FSTL4: variants seen among roughly 807,000 people sequenced by gnomAD.
The protein encoded by FSTL4 is follistatin-related protein 4.
FSTL4 carries 28 observed loss-of-function variants against 78.2 expected under a neutral mutation model. The observed-to-expected ratio is 0.36, with a 90% CI of 0.27 to 0.49. The LOEUF (loss-of-function observed/expected upper bound fraction) is 0.49, where lower values mean the gene tolerates loss of function less well. Ranked by LOEUF, FSTL4 falls within the 20% of genes least tolerant of loss-of-function variation. The pLI is 0.98. For synonymous variants in FSTL4, 422 were observed against 440.5 expected, an observed-to-expected ratio of 0.96 and a Z score of 0.53; for missense variants, 922 against 1,084.9, an observed-to-expected ratio of 0.85 and a Z score of 2.11.
At chr5:133,292,706 G>A (rs908932196) in intron 6 of FSTL4, among the ~76,000 whole-genome samples, 2 of 147,982 alleles carry the variant, frequency 1.4e-5, no homozygotes, top group Admixed American at 1.4e-4. Context: ...CACAAGTTAT[G>A]ATTTATATTT....
intron 3 of FSTL4, among the ~76,000 whole-genome samples, chr5:133,564,985 C>G (rs879424008): frequency 6.6e-6 from 1 of 152,154 alleles, no homozygotes; most frequent in Admixed American, 6.5e-5. Context: ...TGGCCCTAAA[C>G]CTTCAATGGA....
the FSTL4 span, among the ~76,000 whole-genome samples, chr5:133,638,777 CG>C: frequency 0.017 from 2,518 of 151,972 alleles, 70 homozygotes; most frequent in African/African-American, 0.057. Flanking sequence ...GAGGGCTGGA[CG>C]TTTTTTCGTA....
At chr5:133,395,215 T>C (rs901393323) in intron 4 of FSTL4, among the ~76,000 whole-genome samples, 1 of 152,168 alleles carries the variant, frequency 6.6e-6, no homozygotes, top group Non-Finnish European at 1.5e-5. Flanking sequence ...TCTTTCGCTC[T>C]TTGCAATAAA....
rs765364239 is a variant in FSTL4 at position 133,400,944 on chromosome 5, T to G, written c.203A>C (p.Lys68Thr). The change falls in exon 4 of 16, where the codon AAG becomes ACG. Residue 68 changes from lysine (K) to threonine (T), a missense_variant. Physicochemically the swap from Lys to Thr is moderately conservative, Grantham distance 78 (BLOSUM62 -1). Coordinates refer to ENST00000265342, the MANE Select transcript of FSTL4 (RefSeq NM_015082.2). ...GCACCGGCTCCCTCGGCTGCAGAAC[T>G]TCTTCCCGCAGGAGGCCAGCAGCTC... Reference protein sequence around the residue: ...HNELLASCGKKFCSRGSRCVL... With the variant: ...HNELLASCGKTFCSRGSRCVL... The G allele has an allele frequency of 3.1e-6, 5 of 1,613,328 alleles. No individual in the cohort carries two copies. Among genetic ancestry groups the G allele is most frequent in the Non-Finnish European group, 4.2e-6 (5 of 1,180,008 alleles).
chr5:133,210,590 T>G (rs1487381759), intron 13 of FSTL4, among the ~76,000 whole-genome samples: 1 of 151,990 alleles, frequency 6.6e-6, no homozygotes, highest in African/African-American at 2.4e-5. Context: ...CCTCCCAGGC[T>G]CAAGAGATTC....
the FSTL4 span, among the ~76,000 whole-genome samples, chr5:133,819,956 G>A: frequency 6.6e-6 from 1 of 152,250 alleles, no homozygotes; most frequent in South Asian, 2.1e-4. Context: ...TTTCACATGA[G>A]GAGGTGGCCG....
the FSTL4 span, among the ~76,000 whole-genome samples, chr5:133,692,220 G>A: frequency 6.6e-6 from 1 of 152,158 alleles, no homozygotes; most frequent in Non-Finnish European, 1.5e-5. Context: ...TAAGTGGTTT[G>A]TGCAAAGACT....
intron 4 of FSTL4, among the ~76,000 whole-genome samples, chr5:133,382,254 C>A (rs1468618686): frequency 2.0e-5 from 3 of 152,224 alleles, no homozygotes; most frequent in African/African-American, 7.2e-5. Context: ...CCATGTGGGC[C>A]TGGGTCTGTG....
intron 6 of FSTL4, among the ~76,000 whole-genome samples, chr5:133,254,667 C>T (rs150105053): frequency 2.0e-5 from 3 of 152,320 alleles, no homozygotes; most frequent in Non-Finnish European, 4.4e-5. Flanking sequence ...ACAGTGAAGA[C>T]GGTAAGAATC....
chr5:133,441,566 C>A (rs1376575848), intron 3 of FSTL4, among the ~76,000 whole-genome samples: 4 of 152,170 alleles, frequency 2.6e-5, no homozygotes. Flanking sequence ...CAAGGGAGGG[C>A]CACCTGCTTG....
chr5:133,622,463 G>A, the FSTL4 span, among the ~76,000 whole-genome samples: 4 of 152,058 alleles, frequency 2.6e-5, no homozygotes, highest in South Asian at 4.2e-4. Context: ...GGCCAATTTC[G>A]AATAAAAATG....
chr5:133,310,537 G>A (rs985516275), intron 6 of FSTL4, among the ~76,000 whole-genome samples: 2 of 152,122 alleles, frequency 1.3e-5, no homozygotes, highest in South Asian at 4.2e-4. Flanking sequence ...ATGCTGTTTG[G>A]CCCCAGACCC....
At chr5:133,514,631 G>A (rs550324029) in intron 3 of FSTL4, among the ~76,000 whole-genome samples, 1 of 152,256 alleles carries the variant, frequency 6.6e-6, no homozygotes, top group Admixed American at 6.5e-5. Flanking sequence ...CTGAAGCATA[G>A]ATTAAAAGCA....
intron 15 of FSTL4, among the ~76,000 whole-genome samples, chr5:133,200,104 T>C (rs1434078027): frequency 6.6e-6 from 1 of 152,220 alleles, no homozygotes; most frequent in Non-Finnish European, 1.5e-5. Context: ...ATAATACTTA[T>C]GAACTGTTTC....
intron 3 of FSTL4, among the ~76,000 whole-genome samples, chr5:133,531,692 T>A (rs1759257248): frequency 6.6e-6 from 1 of 152,188 alleles, no homozygotes; most frequent in South Asian, 2.1e-4. Flanking sequence ...AGATGATCCT[T>A]CTCCAATTGC....
chr5:133,321,417 T>TTAGC (rs1754047598), intron 4 of FSTL4, among the ~76,000 whole-genome samples: 1 of 152,152 alleles, frequency 6.6e-6, no homozygotes. Flanking sequence ...CAGGGTCCAG[T>TTAGC]CTTAGCCTTA....
intron 2 of FSTL4, among the ~76,000 whole-genome samples, chr5:133,574,047 A>C (rs1760221073): frequency 6.6e-6 from 1 of 152,242 alleles, no homozygotes; most frequent in Admixed American, 6.5e-5. Flanking sequence ...GACTTTATTA[A>C]AATTAGGACT....
intron 2 of FSTL4, chr5:133,575,424 T>C (rs1760255938): frequency 8.7e-6 from 1 of 114,480 alleles, no homozygotes; most frequent in Non-Finnish European, 1.8e-5. Flanking sequence ...CCACATAGAG[T>C]AGTTGTGATG....
At chr5:133,514,211 T>TAAC (rs1758805632) in intron 3 of FSTL4, among the ~76,000 whole-genome samples, 1 of 141,942 alleles carries the variant, frequency 7.0e-6, no homozygotes, top group Non-Finnish European at 1.5e-5. Flanking sequence ...ATAATAATAA[T>TAAC]AATAATAATA....
Sources: allele counts gnomAD v4.1 joint callset (sites outside exome capture counted in the v4.1 genomes callset), GRCh38; gene constraint gnomAD v4.1.1; transcripts MANE v1.5; gene names NCBI Gene and HGNC (gene_info 2026-07-23, HGNC 2026-07-21).